Variants in PTPRG observed in about 807,000 individuals in gnomAD.
PTPRG encodes the protein protein tyrosine phosphatase receptor type G, also known as receptor-type tyrosine-protein phosphatase gamma.
PTPRG carries 102 observed loss-of-function variants against 165.3 expected under a neutral mutation model. That is an observed-to-expected ratio of 0.62 (90% CI 0.53 to 0.73). The LOEUF (loss-of-function observed/expected upper bound fraction) is 0.73, where lower values mean the gene tolerates loss of function less well. Among genes scored for constraint, PTPRG ranks in the 30% least tolerant of loss-of-function variants. PTPRG has a pLI of 0.00. For synonymous variants in PTPRG, 675 were observed against 669.5 expected, an observed-to-expected ratio of 1.01 and a Z score of -0.13; for missense variants, 1,866 against 1,861.4, an observed-to-expected ratio of 1.00 and a Z score of -0.05.
At chr3:61,853,625 T>G (rs1232198977) in intron 2 of PTPRG, among the ~76,000 whole-genome samples, 1 of 152,248 alleles carries the variant, frequency 6.6e-6, no homozygotes, top group Non-Finnish European at 1.5e-5. Context: ...GCTAAGCCAT[T>G]GCTACATTCC....
chr3:61,575,813 G>A (rs552100592), intron 1 of PTPRG, among the ~76,000 whole-genome samples: 2 of 152,120 alleles, frequency 1.3e-5, no homozygotes, highest in African/African-American at 4.8e-5. Flanking sequence ...TTGGCACCAT[G>A]TTGGCCAGGC....
intron 2 of PTPRG, among the ~76,000 whole-genome samples, chr3:61,909,684 C>T (rs755108913): frequency 1.3e-5 from 2 of 152,114 alleles, no homozygotes; most frequent in Non-Finnish European, 2.9e-5. Context: ...TGGCATCTGA[C>T]CTCAACTGAA....
At chr3:61,858,238 C>T (rs2037168772) in intron 2 of PTPRG, among the ~76,000 whole-genome samples, 1 of 152,156 alleles carries the variant, frequency 6.6e-6, no homozygotes, top group Admixed American at 6.6e-5. Flanking sequence ...TACAGAAGTA[C>T]ATTTTACAAC....
At position 61,832,803 on chromosome 3, in the gene PTPRG, C is replaced by T. The variant is rs923610432; in HGVS notation, c.190+83821C>T. 1.6e-4 allele frequency among the ~76,000 whole-genome samples: 25 copies of T among 152,164 alleles called. 1 individual carries two copies. Among genetic ancestry groups the T allele is most frequent in the Middle Eastern group, 6.3e-3 (2 of 316 alleles). ...TCATCAGATTTTGCTGCATCCATCA[C>T]TTGAGCAGTATACACTGAACCCAAT... On this transcript the variant is annotated intron_variant, in intron 2 of 29. Transcript: ENST00000474889.
At chr3:62,148,081 G>A (rs1355420979) in intron 6 of PTPRG, among the ~76,000 whole-genome samples, 2 of 152,192 alleles carry the variant, frequency 1.3e-5, no homozygotes, top group Admixed American at 1.3e-4. Flanking sequence ...GGGAGGTGGA[G>A]GTTGCAGTGA....
chr3:61,947,518 A>T (rs1345183944), intron 2 of PTPRG, among the ~76,000 whole-genome samples: 2 of 152,154 alleles, frequency 1.3e-5, no homozygotes, highest in Non-Finnish European at 2.9e-5. Flanking sequence ...GCCCAGATGG[A>T]GGTGACTTGT....
intron 4 of PTPRG, among the ~76,000 whole-genome samples, chr3:62,042,025 A>G (rs1700145452): frequency 6.6e-6 from 1 of 152,188 alleles, no homozygotes; most frequent in South Asian, 2.1e-4. Flanking sequence ...CCAGGATTAT[A>G]CCCAGGGAAT....
chr3:62,029,109 G>A (rs187791468), intron 4 of PTPRG, among the ~76,000 whole-genome samples: 127 of 152,218 alleles, frequency 8.3e-4, no homozygotes, highest in African/African-American at 2.7e-3. Flanking sequence ...ACTCCCTAGC[G>A]TGTGTGAGTG....
chr3:61,835,169 G>T (rs2036422113), intron 2 of PTPRG, among the ~76,000 whole-genome samples: 1 of 152,120 alleles, frequency 6.6e-6, no homozygotes, highest in Non-Finnish European at 1.5e-5. Flanking sequence ...TCTCATTGTG[G>T]CAGAGGCAGG....
intron 2 of PTPRG, among the ~76,000 whole-genome samples, chr3:61,886,191 A>G (rs2038032003): frequency 6.6e-6 from 1 of 152,146 alleles, no homozygotes. Flanking sequence ...TCAAATCAGA[A>G]GAACTGTCTT....
chr3:61,777,876 C>T (rs544309764), intron 2 of PTPRG, among the ~76,000 whole-genome samples: 53 of 152,238 alleles, frequency 3.5e-4, no homozygotes, highest in Admixed American at 6.5e-4. Flanking sequence ...AGAGTGAAGT[C>T]CTATTACTTT....
In PTPRG at chr3:61,942,427, A is replaced by G. The variant is rs183211864; in HGVS notation, c.191-47198A>G. On this transcript the variant is annotated intron_variant, in intron 2 of 29. Transcript: ENST00000474889. ...ACAAAAATTAGACCAAGCCCCATTCACTCATGTGAGTGTACCCCATGGCCC... is the reference window on the plus strand; with the variant it reads ...ACAAAAATTAGACCAAGCCCCATTCGCTCATGTGAGTGTACCCCATGGCCC... Among the ~76,000 whole-genome samples the G allele has an allele frequency of 4.6e-5, 7 of 152,156 alleles. No individual in the cohort carries two copies. The East Asian group carries it at 1.4e-3, about 29-fold the overall frequency.
chr3:61,657,669 G>A (rs866743371), intron 1 of PTPRG, among the ~76,000 whole-genome samples: 3 of 152,056 alleles, frequency 2.0e-5, no homozygotes, highest in African/African-American at 7.2e-5. Flanking sequence ...TGTATGTGCC[G>A]TCCCTCATGC....
intron 2 of PTPRG, among the ~76,000 whole-genome samples, chr3:61,959,708 G>A (rs2040107921): frequency 6.6e-6 from 1 of 152,102 alleles, no homozygotes; most frequent in Non-Finnish European, 1.5e-5. Context: ...ATTAGTTGTG[G>A]TTTTCTTTTC....
At position 62,072,925 on chromosome 3, in the gene PTPRG, A is replaced by G. The variant is rs146396994; in HGVS notation, c.520-5238A>G. Among the ~76,000 whole-genome samples, 1,107 of 152,298 alleles carry G rather than the reference A, an allele frequency of 7.3e-3. 54 individuals are homozygous for G. The highest frequency in any genetic ancestry group is 0.067 in the Admixed American group (1,021 of 15,296). On this transcript the variant is annotated intron_variant, in intron 4 of 29. Transcript: ENST00000474889. Reference sequence around the variant, plus strand: ...GCCAATTCTAGGGATAGGGCAGGGAAAATGTAGGATGAGCCCAAAACATCT... The same window carrying G: ...GCCAATTCTAGGGATAGGGCAGGGAGAATGTAGGATGAGCCCAAAACATCT...
chr3:61,923,408 A>G (rs2039128989), intron 2 of PTPRG, among the ~76,000 whole-genome samples: 1 of 151,686 alleles, frequency 6.6e-6, no homozygotes, highest in Admixed American at 6.6e-5. Context: ...TTTATTTTTT[A>G]TTTTTATTAT....
chr3:62,259,963 CTCCA>C (rs1701644930), intron 16 of PTPRG, among the ~76,000 whole-genome samples: 1 of 152,190 alleles, frequency 6.6e-6, no homozygotes, highest in African/African-American at 2.4e-5. Flanking sequence ...TGTGGAATCT[CTCCA>C]CACGTTTCTG....
At chr3:61,687,328 GGA>G (rs1213756347) in intron 1 of PTPRG, among the ~76,000 whole-genome samples, 2 of 152,204 alleles carry the variant, frequency 1.3e-5, no homozygotes, top group Non-Finnish European at 2.9e-5. Context: ...GATAAGCAGT[GGA>G]GAGCATGTGT....
chr3:61,931,473 G>A (rs1017732637), intron 2 of PTPRG, among the ~76,000 whole-genome samples: 6 of 152,118 alleles, frequency 3.9e-5, no homozygotes, highest in African/African-American at 1.4e-4. Context: ...ACTAAGTCAT[G>A]GCCACGTTAC....
Sources: allele counts gnomAD v4.1 joint callset (sites outside exome capture counted in the v4.1 genomes callset), GRCh38; gene constraint gnomAD v4.1.1; transcripts MANE v1.5; gene names NCBI Gene and HGNC (gene_info 2026-07-23, HGNC 2026-07-21).